The following CEP83 variants were observed in gnomAD, a reference collection of about 807,000 sequenced individuals.
CEP83 encodes the protein centrosomal protein of 83 kDa.
A neutral mutation model predicts 101.9 loss-of-function variants in CEP83; 70 were observed. The ratio of observed to expected loss-of-function variants is 0.69; its 90% confidence interval spans 0.57 to 0.84. CEP83 has a LOEUF of 0.84. Ranked by LOEUF, CEP83 falls within the 40% of genes least tolerant of loss-of-function variation. The pLI, the probability that CEP83 is intolerant of heterozygous loss-of-function variation, is 0.00. For synonymous variants in CEP83, 264 were observed against 267.9 expected (o/e 0.99, Z 0.14); for missense variants, 715 against 787.2 (o/e 0.91, Z 1.10).
chr12:94,319,628 C>T (rs1279777978), intron 14 of CEP83, among the ~76,000 whole-genome samples: 3 of 152,154 alleles, frequency 2.0e-5, no homozygotes, highest in Admixed American at 2.0e-4. Context: ...TCATTCTTTA[C>T]TCAAAAGTCA....
chr12:94,331,612 T>G (rs550673634), intron 14 of CEP83, 88 bp downstream of exon 14: 2 of 1,116,128 alleles, frequency 1.8e-6, no homozygotes, highest in South Asian at 1.3e-5. Context: ...GACCTCGTGA[T>G]CCACCTGCCT....
intron 1 of CEP83, among the ~76,000 whole-genome samples, chr12:94,436,714 C>T (rs2066013032): frequency 6.6e-6 from 1 of 151,536 alleles, no homozygotes; most frequent in African/African-American, 2.4e-5. Flanking sequence ...ACCTGTAGTC[C>T]CAGCTACTCG....
intron 1 of CEP83, among the ~76,000 whole-genome samples, chr12:94,450,831 T>C (rs2138568821): frequency 6.6e-6 from 1 of 152,330 alleles, no homozygotes. Flanking sequence ...ACATCAGATG[T>C]GTTTTTGTAG....
downstream of CEP83, among the ~76,000 whole-genome samples, chr12:94,302,558 C>T (rs1189887768): frequency 6.6e-6 from 1 of 152,178 alleles, no homozygotes; most frequent in Non-Finnish European, 1.5e-5. Context: ...TTTGTTCACA[C>T]TAAAAACAGT....
intron 14 of CEP83, among the ~76,000 whole-genome samples, chr12:94,327,949 C>T (rs1235919104): frequency 6.6e-6 from 1 of 152,166 alleles, no homozygotes; most frequent in Non-Finnish European, 1.5e-5. Context: ...TATCTTATTT[C>T]TCCAGCAAGA....
chr12:94,390,762 A>C (rs529722775), intron 6 of CEP83, among the ~76,000 whole-genome samples: 1 of 152,184 alleles, frequency 6.6e-6, no homozygotes, highest in Admixed American at 6.5e-5. Context: ...ACTAGAATAA[A>C]CAGTGTAGAG....
At chr12:94,300,520 T>C in the CEP83 span, among the ~76,000 whole-genome samples, 11 of 152,026 alleles carry the variant, frequency 7.2e-5, no homozygotes, top group Non-Finnish European at 1.5e-4. Context: ...CAGAGGGAGA[T>C]GGAGAGCCTC....
chr12:94,419,082 G>A (rs2064512778), intron 2 of CEP83, among the ~76,000 whole-genome samples: 1 of 151,880 alleles, frequency 6.6e-6, no homozygotes. Flanking sequence ...ATATACACAT[G>A]TTCTGATTGT....
chr12:94,419,098 T>C (rs1222694855), intron 2 of CEP83, among the ~76,000 whole-genome samples: 1 of 152,036 alleles, frequency 6.6e-6, no homozygotes, highest in Non-Finnish European at 1.5e-5. Context: ...ATTGTGTATG[T>C]AGAAAATCTA....
At chr12:94,392,082 G>A (rs936223611) in intron 6 of CEP83, among the ~76,000 whole-genome samples, 1 of 152,136 alleles carries the variant, frequency 6.6e-6, no homozygotes, top group African/African-American at 2.4e-5. Flanking sequence ...ACAGATCAAC[G>A]AGACAGAAGG....
At chr12:94,274,155 T>TTAAAAAAAAAAAAA in the CEP83 span, among the ~76,000 whole-genome samples, 4 of 45,376 alleles carry the variant, frequency 8.8e-5, no homozygotes, top group African/African-American at 4.7e-4. Flanking sequence ...ACCCTGTCTC[T>TTAAAAAAAAAAAAA]AAAAAAAAAA....
chr12:94,330,002 T>C (rs2059135938), intron 14 of CEP83, among the ~76,000 whole-genome samples: 1 of 152,196 alleles, frequency 6.6e-6, no homozygotes, highest in South Asian at 2.1e-4. Context: ...TCAGCAACAT[T>C]TGGCAGTGAT....
At chr12:94,424,835 C>T (rs940281516) in intron 2 of CEP83, 16 of 1,599,194 alleles carry the variant, frequency 1.0e-5, no homozygotes, top group South Asian at 3.3e-5. Flanking sequence ...ATTGCTTCCA[C>T]TACTGCTGTT....
chr12:94,408,790 T>C (rs915649081), intron 4 of CEP83, among the ~76,000 whole-genome samples: 3 of 152,040 alleles, frequency 2.0e-5, no homozygotes, highest in Admixed American at 6.6e-5. Context: ...CCCAGTTACG[T>C]TACCCAGGCT....
At chr12:94,287,174 AG>A in the CEP83 span, among the ~76,000 whole-genome samples, 1 of 152,218 alleles carries the variant, frequency 6.6e-6, no homozygotes, top group African/African-American at 2.4e-5. Flanking sequence ...TTTCTGTTCC[AG>A]TGTCATTCTG....
At chr12:94,267,873 C>G in the CEP83 span, among the ~76,000 whole-genome samples, 1 of 152,178 alleles carries the variant, frequency 6.6e-6, no homozygotes, top group African/African-American at 2.4e-5. Flanking sequence ...CCCCACCTAC[C>G]CCTCCCAAGC....
At chr12:94,306,685 T>C (rs1290809756), downstream of CEP83, 2 of 152,244 alleles carry the variant, frequency 1.3e-5, no homozygotes, top group African/African-American at 4.8e-5. Flanking sequence ...TGAAATCATT[T>C]ACCAACACTG....
At chr12:94,430,854 CA>C (rs974912147) in intron 2 of CEP83, among the ~76,000 whole-genome samples, 13 of 152,056 alleles carry the variant, frequency 8.5e-5, no homozygotes, top group African/African-American at 3.1e-4. Context: ...AAGAGAATTC[CA>C]AAAACAGCGA....
chr12:94,331,243 A>T (rs1444277212), intron 14 of CEP83, among the ~76,000 whole-genome samples: 1 of 137,164 alleles, frequency 7.3e-6, no homozygotes, highest in Admixed American at 7.5e-5. Context: ...GTGAGCCAAG[A>T]TTGCACCACT....
Sources: gnomAD v4.1 joint callset for allele counts (sites outside exome capture counted in the v4.1 genomes callset) on GRCh38, gnomAD v4.1.1 for gene constraint, MANE v1.5 for transcripts, NCBI Gene and HGNC (gene_info 2026-07-23, HGNC 2026-07-21) for gene names.